Variants in TSC2 observed in about 807,000 individuals in gnomAD.
The protein encoded by TSC2 is TSC complex subunit 2.
TSC2 carries 29 observed loss-of-function variants against 202.2 expected under a neutral mutation model. The observed-to-expected ratio is 0.14, with a 90% CI of 0.11 to 0.20. The LOEUF (loss-of-function observed/expected upper bound fraction) is 0.20. TSC2 is among the 10% of genes least tolerant of loss of function. The pLI, the probability that TSC2 is intolerant of heterozygous loss-of-function variation, is 1.00. For synonymous variants in TSC2, 1,349 were observed against 1,044.0 expected (o/e 1.29, Z -5.63); for missense variants, 2,429 against 2,420.0 (o/e 1.00, Z -0.08).
chr16:2,052,411 G>A (rs746280454), intron 3 of TSC2, among the ~76,000 whole-genome samples: 40 of 152,012 alleles, frequency 2.6e-4, no homozygotes, highest in Admixed American at 2.4e-3. Flanking sequence ...CCAGGCTCAC[G>A]TGATCCTCCT....
rs45517277 is a variant in TSC2 at position 2,079,044 on chromosome 16, G to C, written c.2979G>C (p.Thr993=). ...CCTCTCCCTCCAGCAGGATACAGAC[G>C]TCCCTCACCAGTGCCAGCTTGGGGT... ...SEHVVRSRIQ[T]SLTSASLGSA... The change falls in exon 27 of 42, where the codon ACG becomes ACC. Residue 993 remains threonine (T), a synonymous_variant. Transcript: ENST00000219476. This position sits in a 1 kb window ranked among gnomAD's most constrained non-coding sequence, Gnocchi z 4.6. 1 of 1,612,738 alleles carries C rather than the reference G, an allele frequency of 6.2e-7. No homozygotes were observed. Among genetic ancestry groups the C allele is most frequent in the Non-Finnish European group, 8.5e-7 (1 of 1,180,012 alleles).
In TSC2 at chr16:2,086,787, C is replaced by T. The variant is rs397514999; in HGVS notation, c.4905C>T (p.Cys1635=). 5.0e-5 allele frequency: 81 copies of T among 1,611,462 alleles called. No homozygotes were observed. Among genetic ancestry groups the T allele is most frequent in the African/African-American group, 4.7e-4 (35 of 75,010 alleles). Reference sequence around the variant, plus strand: ...CCAAGGACGTGGACAAGCACCGCTGCGACAAGAAGCGCCACCTGGGCAACG... The same window carrying T: ...CCAAGGACGTGGACAAGCACCGCTGTGACAAGAAGCGCCACCTGGGCAACG... ...MPTKDVDKHR[C]DKKRHLGNDF... Residue 1635 remains cysteine (C), a synonymous_variant, in exon 38 of 42, where the codon TGC becomes TGT. Transcript: ENST00000219476.
chr16:2,077,455 C>G, intron 25 of TSC2, 143 bp from the exon 26 acceptor site: 2 of 1,266,742 alleles, frequency 1.6e-6, no homozygotes, highest in South Asian at 1.3e-5. Flanking sequence ...TGGCATGGCT[C>G]TTTTTGCTCA....
intron 4 of TSC2, 80 bp from the exon 5 acceptor site, chr16:2,054,216 C>A (rs2085486604): frequency 1.2e-6 from 2 of 1,606,982 alleles, no homozygotes; most frequent in East Asian, 4.5e-5. Context: ...AGTCCGGGTG[C>A]CCCTGCACTT....
chr16:2,084,201 G>T (rs1403913582), intron 33 of TSC2, 27 bp from the exon 34 acceptor site: 3 of 1,560,314 alleles, frequency 1.9e-6, no homozygotes, highest in Non-Finnish European at 2.6e-6. Flanking sequence ...TGCTGACAGG[G>T]GTTCTCTTTG....
At chr16:2,077,176 C>T (rs1014333726) in intron 25 of TSC2, among the ~76,000 whole-genome samples, 3 of 152,232 alleles carry the variant, frequency 2.0e-5, no homozygotes, top group African/African-American at 7.2e-5. Context: ...GGGTCTTGGT[C>T]TCTTTTCCTA....
chr16:2,086,262 C>G lies in TSC2; in HGVS notation c.4732C>G (p.Leu1578Val), dbSNP rs917807471. 6.2e-7 allele frequency: 1 copy of G among 1,612,838 alleles called. No homozygotes were observed. Among genetic ancestry groups the G allele is most frequent in the Non-Finnish European group, 8.5e-7 (1 of 1,179,976 alleles). The change falls in exon 37 of 42, where the codon CTG becomes GTG. Residue 1578 changes from leucine to valine, a missense_variant. Coordinates refer to ENST00000219476, the MANE Select transcript of TSC2 (RefSeq NM_000548.5). ...CAGGTACACGGAGTTCCTGACGGGC[C>G]TGGGCCGGCTCATCGAGCTGAAGGA... ...SYRYTEFLTG[L>V]GRLIELKDCQ...
rs2089249318 is a variant in TSC2 at position 2,075,779 on chromosome 16, C to CA, written c.2546-19dup. ...TGCACGGGACCCCGGCTCCCCTGACCACCCTCTCCATTACCGCAGCTCTGG... is the reference window on the plus strand; with the variant it reads ...TGCACGGGACCCCGGCTCCCCTGACCAACCCTCTCCATTACCGCAGCTCTGG... On this transcript the variant is annotated intron_variant, in intron 22 of 41. Coordinates refer to ENST00000219476, the MANE Select transcript of TSC2 (RefSeq NM_000548.5). 1.2e-6 allele frequency: 2 copies of CA among 1,611,484 alleles called. No homozygotes were observed. Among genetic ancestry groups the CA allele is most frequent in the Non-Finnish European group, 1.7e-6 (2 of 1,179,784 alleles).
rs530469388 is a variant in TSC2 at position 2,088,624 on chromosome 16, C to T, written c.*14C>T. On this transcript the variant is annotated 3_prime_UTR_variant, in exon 42 of 42. Coordinates refer to ENST00000219476, the MANE Select transcript of TSC2 (RefSeq NM_000548.5). ...GAGTTTGTGTGAGGCCGGGGCCCTC[C>T]CTCCTGCACTGGCCTTGGACGGTAT... The T allele has an allele frequency of 1.6e-5, 26 of 1,598,320 alleles. No homozygotes were observed. The African/African-American group carries it at 2.0e-4, about 12-fold the overall frequency.
chr16:2,073,045 G>C lies in TSC2; in HGVS notation c.2355+62G>C, dbSNP rs2088722615. On this transcript the variant is annotated intron_variant, in intron 21 of 41. Coordinates refer to ENST00000219476, the MANE Select transcript of TSC2 (RefSeq NM_000548.5). ...GCCTGGGATTCGAGGGCCTGGCCCA[G>C]GTAGGCCCCACATTTTTCTCATAAA... is the stretch of plus-strand genomic sequence containing the variant. 3 of 1,610,510 alleles carry C rather than the reference G, an allele frequency of 1.9e-6. No homozygotes were observed. The Admixed American group carries it at 5.0e-5, about 27-fold the overall frequency.
chr16:2,055,185 G>T (rs1486992753), intron 5 of TSC2: 1 of 632,918 alleles, frequency 1.6e-6, no homozygotes, highest in Non-Finnish European at 2.9e-6. Context: ...TGCAGCCCCA[G>T]GGGCGGTAGA....
At chr16:2,061,768 G>C in intron 11 of TSC2, 103 bp from the exon 12 acceptor site, 1 of 1,594,060 alleles carries the variant, frequency 6.3e-7, no homozygotes, top group Non-Finnish European at 8.6e-7. Flanking sequence ...CGGCCTGAGA[G>C]GGCTGAGGGT....
At chr16:2,050,525 A>G (rs2150998325) in intron 3 of TSC2, 39 bp downstream of exon 3, 4 of 1,571,662 alleles carry the variant, frequency 2.5e-6, no homozygotes, top group Non-Finnish European at 3.5e-6. Context: ...AGAGGCACGT[A>G]GACTATTCAG....
intron 11 of TSC2, chr16:2,061,157 G>C: frequency 2.6e-6 from 1 of 391,390 alleles, no homozygotes; most frequent in Non-Finnish European, 4.9e-6. Context: ...GCTTCCGCAT[G>C]ACTTTGGAGG....
chr16:2,064,215 C>G lies in TSC2; in HGVS notation c.1444-57C>G. On this transcript the variant is annotated intron_variant, in intron 14 of 41. Coordinates refer to ENST00000219476, the MANE Select transcript of TSC2 (RefSeq NM_000548.5). ...TCGGTTCCTGAGGAATTGGAAGTGT[C>G]ACGAGATGTGGCCCTCGTTGGGCTG... 10 of 1,613,024 alleles carry G rather than the reference C, an allele frequency of 6.2e-6. No individual in the cohort carries two copies. In the South Asian group the frequency reaches 1.1e-4, roughly 18 times the overall value.
Position 2,079,985 on chromosome 16 carries a change from C to CT in TSC2, c.3398-179dup, listed in dbSNP as rs1477427053. On this transcript the variant is annotated intron_variant, in intron 29 of 41. Transcript: ENST00000219476. This position sits in a 1 kb window ranked among gnomAD's most constrained non-coding sequence, Gnocchi z 4.6. ...TGCAGGACAGGTTCTGGGTCCCTCC[C>CT]TGTGGCCCTGGGTTCACTGAGGCCA... 1.3e-5 allele frequency among the ~76,000 whole-genome samples: 2 copies of CT among 152,216 alleles called. No individual in the cohort carries two copies. The highest frequency in any genetic ancestry group is 2.9e-5 in the Non-Finnish European group (2 of 68,030).
intron 2 of TSC2, 90 bp from the exon 3 acceptor site, chr16:2,050,310 C>G (rs779246649): frequency 1.1e-5 from 13 of 1,188,058 alleles, no homozygotes; most frequent in Non-Finnish European, 1.5e-5. Flanking sequence ...CTGGAAAATG[C>G]AGTGGGAGTC....
chr16:2,086,982 G>A (rs1048167950), intron 38 of TSC2, 111 bp downstream of exon 38: 11 of 1,494,824 alleles, frequency 7.4e-6, no homozygotes, highest in South Asian at 1.2e-5. Context: ...AGCAGGAGGA[G>A]AGGCCGCAGT....
chr16:2,054,980 A>C, intron 5 of TSC2: 1 of 343,984 alleles, frequency 2.9e-6, no homozygotes, highest in Non-Finnish European at 5.6e-6. Context: ...GGTGCCGGCC[A>C]GGTGCCTACC....
Sources: gnomAD v4.1 joint callset for allele counts (sites outside exome capture counted in the v4.1 genomes callset) on GRCh38, gnomAD v4.1.1 for gene constraint, Gnocchi (gnomAD v3.1) non-coding constraint, MANE v1.5 for transcripts, NCBI Gene and HGNC (gene_info 2026-07-23, HGNC 2026-07-21) for gene names.